Variants in GAA observed in about 807,000 individuals in gnomAD.
GAA encodes the protein lysosomal alpha-glucosidase.
GAA carries 88 observed loss-of-function variants against 103.9 expected under a neutral mutation model. That is an observed-to-expected ratio of 0.85 (90% CI 0.71 to 1.01). The LOEUF is 1.01. GAA is among the 50% of genes least tolerant of loss of function. GAA has a pLI of 0.00. For missense variants in GAA, 1,350 were observed against 1,305.3 expected (o/e 1.03, Z -0.53); for synonymous variants, 572 against 563.1 (o/e 1.02, Z -0.22).
rs578245757 is a variant in GAA at position 80,116,993 on chromosome 17, A to T, written c.2215A>T (p.Thr739Ser). ...GTTCCCCAAGGACTCTAGCACCTGG[A>T]CTGTGGACCACCAGCTCCTGTGGGG... ...LEFPKDSSTW[T>S]VDHQLLWGEA... The change falls in exon 16 of 20, where the codon ACT becomes TCT. Residue 739 changes from threonine (T) to serine (S), a missense_variant. Thr to Ser is a moderately conservative substitution (Grantham distance 58). Coordinates refer to ENST00000302262, the MANE Select transcript of GAA (RefSeq NM_000152.5). 1.1e-4 allele frequency: 183 copies of T among 1,613,710 alleles called. 1 individual carries two copies. In the South Asian group the frequency reaches 1.9e-3, roughly 17 times the overall value.
At position 80,118,185 on chromosome 17, in the gene GAA, C is replaced by A. The variant is rs1407022252; in HGVS notation, c.2482-8C>A. The A allele has an allele frequency of 2.5e-6, 4 of 1,612,866 alleles. No individual in the cohort carries two copies. In the Admixed American group the frequency reaches 5.0e-5, roughly 20 times the overall value. ...GGATGATGACATCACGTGTCCTTCC[C>A]TTTCCAGGGCCCTGGCCTCACAACC... On this transcript the variant is annotated splice_region_variant and splice_polypyrimidine_tract_variant and intron_variant, in intron 17 of 19. Transcript: ENST00000302262.
At chr17:80,117,931 T>C (rs1028682569) in intron 17 of GAA, among the ~76,000 whole-genome samples, 182 bp downstream of exon 17, 1 of 152,020 alleles carries the variant, frequency 6.6e-6, no homozygotes, top group Admixed American at 6.5e-5. Context: ...CACAAAGGCG[T>C]GGAGCATGGC....
Position 80,113,047 on chromosome 17 carries a change from A to G in GAA, c.2040+20A>G, listed in dbSNP as rs2304836. 0.74 allele frequency: 1,185,667 copies of G among 1,600,158 alleles called. 441,246 individuals are homozygous for G. Among genetic ancestry groups the G allele is most frequent in the Middle Eastern group, 0.82 (4,950 of 6,010 alleles). On this transcript the variant is annotated intron_variant, in intron 14 of 19. Coordinates refer to ENST00000302262, the MANE Select transcript of GAA (RefSeq NM_000152.5). ...AGTCTGGTAGGGTGGGGGTGGCGGC[A>G]TGGCAGGTGGGCGATCCCACCCACC...
chr17:80,117,708 A>G lies in GAA; in HGVS notation c.2440A>G (p.Ile814Val). Reference protein sequence around the residue: ...WVTLPAPLDTINVHLRAGYII... With the variant: ...WVTLPAPLDTVNVHLRAGYII... ...GACGCTGCCGGCCCCCCTGGACACCATCAACGTCCACCTCCGGGCTGGGTA... is the reference window on the plus strand; with the variant it reads ...GACGCTGCCGGCCCCCCTGGACACCGTCAACGTCCACCTCCGGGCTGGGTA... Residue 814 changes from isoleucine (I) to valine (V), a missense_variant, in exon 17 of 20, where the codon ATC (isoleucine) becomes GTC (valine). Physicochemically the swap from Ile to Val is conservative, Grantham distance 29. Coordinates refer to ENST00000302262, the MANE Select transcript of GAA (RefSeq NM_000152.5). The G allele has an allele frequency of 6.2e-7, 1 of 1,612,194 alleles. No individual in the cohort carries two copies. The highest frequency in any genetic ancestry group is 1.3e-5 in the African/African-American group (1 of 75,032).
intron 11 of GAA, 98 bp downstream of exon 11, chr17:80,111,123 G>A (rs1369211724): frequency 8.8e-7 from 1 of 1,131,194 alleles, no homozygotes; most frequent in East Asian, 2.6e-5. Flanking sequence ...AGAAGCAGAT[G>A]GGCCAGCGGG....
In GAA at chr17:80,107,614, C is replaced by T. The variant is rs2143846283; in HGVS notation, c.750C>T (p.Thr250=). The part of the protein sequence containing the change: ...FFADQFLQLS[T]SLPSQYITGL... Reference sequence around the variant, plus strand: ...CGGACCAGTTCCTTCAGCTGTCCACCTCGCTGCCCTCGCAGTATATCACAG... The same window carrying T: ...CGGACCAGTTCCTTCAGCTGTCCACTTCGCTGCCCTCGCAGTATATCACAG... Residue 250 remains threonine, a synonymous_variant, in exon 4 of 20, where the codon ACC becomes ACT. Coordinates refer to ENST00000302262, the MANE Select transcript of GAA (RefSeq NM_000152.5). 1 of 1,613,238 alleles carries T rather than the reference C, an allele frequency of 6.2e-7. No homozygotes were observed. Among genetic ancestry groups the T allele is most frequent in the Middle Eastern group, 1.6e-4 (1 of 6,062 alleles).
intron 18 of GAA, 76 bp from the exon 19 acceptor site, chr17:80,118,577 C>G: frequency 1.9e-6 from 3 of 1,564,932 alleles, no homozygotes; most frequent in Non-Finnish European, 2.6e-6. Context: ...TCCCTGTTCT[C>G]ATGGGTGTTC....
In GAA at chr17:80,119,689, G is replaced by A; in HGVS notation, c.*358G>A. The A allele has an allele frequency of 2.8e-6, 1 of 353,502 alleles. No homozygotes were observed. 21.9% of individuals were successfully genotyped at this position (353,502 alleles called of 1,614,324 possible). A position where few individuals can be genotyped will look rare whatever the true frequency, so the allele number is the denominator to read the frequency against. ...CGGAGAAGGGGGTGCTCAGGTGGAG[G>A]TGTGGGGTATGCACCTGAGCTCCTG... On this transcript the variant is annotated 3_prime_UTR_variant, in exon 20 of 20. Coordinates refer to ENST00000302262, the MANE Select transcript of GAA (RefSeq NM_000152.5).
chr17:80,105,817 G>A lies in GAA; in HGVS notation c.615G>A (p.Pro205=), dbSNP rs141427808. 85 of 1,610,654 alleles carry A rather than the reference G, an allele frequency of 5.3e-5. No homozygotes were observed. The highest frequency in any genetic ancestry group is 4.2e-4 in the South Asian group (38 of 91,082). The change falls in exon 3 of 20, where the codon CCG becomes CCA. Residue 205 remains proline, a synonymous_variant. Transcript: ENST00000302262. The part of the protein sequence containing the change: ...LETPHVHSRA[P]SPLYSVEFSE... ...CCCCGCATGTCCACAGCCGGGCACC[G>A]TCCCCACTCTACAGCGTGGAGTTCT...
intron 1 of GAA, chr17:80,102,511 A>C (rs1206054511): frequency 6.6e-6 from 1 of 152,222 alleles, no homozygotes; most frequent in Non-Finnish European, 1.5e-5. Context: ...GATTGAGTGA[A>C]TCACCAGTGG....
chr17:80,113,129 C>T, intron 14 of GAA, 89 bp from the exon 15 acceptor site: 3 of 1,532,600 alleles, frequency 2.0e-6, no homozygotes, highest in Non-Finnish European at 2.6e-6. Context: ...TGCTGGGTGG[C>T]TGAGAAGTGC....
chr17:80,110,808 C>T lies in GAA; in HGVS notation c.1519C>T (p.His507Tyr). Residue 507 changes from histidine to tyrosine, a missense_variant, in exon 10 of 20, where the codon CAT becomes TAT. By Grantham distance (83) the His-to-Tyr change is moderately conservative. Transcript: ENST00000302262. ...AWWEDMVAEFHDQVPFDGMWI... is the reference protein window; with the variant it reads ...AWWEDMVAEFYDQVPFDGMWI... ...GTGGGAGGACATGGTGGCTGAGTTCCATGACCAGGTGCCCTTCGACGGCAT... is the reference window on the plus strand; with the variant it reads ...GTGGGAGGACATGGTGGCTGAGTTCTATGACCAGGTGCCCTTCGACGGCAT... The T allele has an allele frequency of 6.2e-7, 1 of 1,614,158 alleles. No individual in the cohort carries two copies. Among genetic ancestry groups the T allele is most frequent in the Non-Finnish European group, 8.5e-7 (1 of 1,180,030 alleles).
rs774890354 is a variant in GAA, at chr17:80,118,641, T to C, written c.2647-12T>C. On this transcript the variant is annotated splice_polypyrimidine_tract_variant and intron_variant, in intron 18 of 19. Coordinates refer to ENST00000302262, the MANE Select transcript of GAA (RefSeq NM_000152.5). ...CATTCTCTGCCTTTTCATCTCTCTC[T>C]GCTCGGCCCAGAACACGATCGTGAA... 9.3e-6 allele frequency: 15 copies of C among 1,611,610 alleles called. No individual in the cohort carries two copies. The highest frequency in any genetic ancestry group is 1.3e-5 in the Non-Finnish European group (15 of 1,179,994).
rs148311222 is a variant in GAA, at chr17:80,117,023, G to T, written c.2245G>T (p.Ala749Ser). 51 of 1,613,664 alleles carry T rather than the reference G, an allele frequency of 3.2e-5. No homozygotes were observed. The African/African-American group carries it at 5.5e-4, about 17-fold the overall frequency. ...TVDHQLLWGE[A>S]LLITPVLQAG... is the part of the protein sequence containing the mutation. ...GGACCACCAGCTCCTGTGGGGGGAGGCCCTGCTCATCACCCCAGTGCTCCA... is the reference window on the plus strand; with the variant it reads ...GGACCACCAGCTCCTGTGGGGGGAGTCCCTGCTCATCACCCCAGTGCTCCA... Residue 749 changes from alanine to serine, a missense_variant, in exon 16 of 20, where the codon GCC (alanine) becomes TCC (serine). Coordinates refer to ENST00000302262, the MANE Select transcript of GAA (RefSeq NM_000152.5).
intron 16 of GAA, 86 bp from the exon 17 acceptor site, chr17:80,117,514 C>A: frequency 1.3e-6 from 2 of 1,501,020 alleles, no homozygotes; most frequent in East Asian, 2.3e-5. Context: ...CCACGTGGAG[C>A]CCCGGGAGAT....
chr17:80,108,560 A>G lies in GAA; in HGVS notation c.1147A>G (p.Ile383Val), dbSNP rs794727837. 24 of 1,612,642 alleles carry G rather than the reference A, an allele frequency of 1.5e-5. No individual in the cohort carries two copies. The highest frequency in any genetic ancestry group is 2.7e-5 in the African/African-American group (2 of 74,900). Residue 383 changes from isoleucine to valine, a missense_variant, in exon 7 of 20, where the codon ATC (isoleucine) becomes GTC (valine). Physicochemically the swap from Ile to Val is conservative, Grantham distance 29. Transcript: ENST00000302262. ...CCGCTGGGGCTACTCCTCCACCGCTATCACCCGCCAGGTGGTGGAGAACAT... is the reference window on the plus strand; with the variant it reads ...CCGCTGGGGCTACTCCTCCACCGCTGTCACCCGCCAGGTGGTGGAGAACAT... ...LCRWGYSSTAITRQVVENMTR... is the reference protein window; with the variant it reads ...LCRWGYSSTAVTRQVVENMTR...
chr17:80,113,978 A>G (rs988412251), intron 15 of GAA, among the ~76,000 whole-genome samples: 4 of 151,120 alleles, frequency 2.6e-5, no homozygotes, highest in African/African-American at 9.7e-5. Flanking sequence ...AGATCGCGCC[A>G]CTGTACTCCA....
At chr17:80,115,168 C>T (rs2039332793) in intron 15 of GAA, among the ~76,000 whole-genome samples, 1 of 152,006 alleles carries the variant, frequency 6.6e-6, no homozygotes, top group African/African-American at 2.4e-5. Context: ...ATTTTTTCTG[C>T]CCCTTTCTGT....
chr17:80,116,656 T>C (rs528873318), intron 15 of GAA, among the ~76,000 whole-genome samples: 129 of 152,350 alleles, frequency 8.5e-4, no homozygotes, highest in African/African-American at 3.0e-3. Flanking sequence ...CTGCCTTGGT[T>C]ACCGGAGGAT....
Sources: allele counts gnomAD v4.1 joint callset (sites outside exome capture counted in the v4.1 genomes callset), GRCh38; gene constraint gnomAD v4.1.1; transcripts MANE v1.5; gene names NCBI Gene and HGNC (gene_info 2026-07-23, HGNC 2026-07-21).